TBCE: variants seen among roughly 807,000 people sequenced by gnomAD.
TBCE encodes the protein tubulin-specific chaperone E.
Under a neutral mutation model 77.0 loss-of-function variants are expected in TBCE, and 53 were observed. That is an observed-to-expected ratio of 0.69 (90% CI 0.55 to 0.87). The LOEUF is 0.87. TBCE is among the 40% of genes least tolerant of loss of function. The pLI, the probability that TBCE is intolerant of heterozygous loss-of-function variation, is 0.00. For synonymous variants in TBCE, 235 were observed against 241.3 expected, an observed-to-expected ratio of 0.97 and a Z score of 0.24; for missense variants, 624 against 622.4, an observed-to-expected ratio of 1.00 and a Z score of -0.03.
At chr1:235,415,182 A>C (rs1235176177) in intron 4 of TBCE, 1 of 156,340 alleles carries the variant, frequency 6.4e-6, no homozygotes. Context: ...TTATACAGAC[A>C]GGATCTTGCT....
chr1:235,370,397 C>G (rs963015092), intron 1 of TBCE, among the ~76,000 whole-genome samples: 9 of 151,556 alleles, frequency 5.9e-5, no homozygotes, highest in Non-Finnish European at 1.2e-4. Flanking sequence ...TGATTACAGG[C>G]GCATGCCACC....
chr1:235,448,519 A>G, intron 16 of TBCE, 79 bp downstream of exon 16: 1 of 1,463,814 alleles, frequency 6.8e-7, no homozygotes, highest in Non-Finnish European at 9.6e-7. Flanking sequence ...CTAGATAGCA[A>G]CAGTTTGATT....
rs1241323977 is a variant in TBCE at position 235,374,920 on chromosome 1, CTTTTTTTTTTTTT to C, written c.-31-5093_-31-5081del. On this transcript the variant is annotated intron_variant, in intron 1 of 16. Coordinates refer to ENST00000642610, the MANE Select transcript of TBCE (RefSeq NM_003193.5). ...TAGAGATGTAGATTTCTTTTTTTTT[CTTTTTTTTTTTTT>C]TTTTTGAGATGGAGTCTCACTCTGT... is the stretch of plus-strand genomic sequence containing the variant. Among the ~76,000 whole-genome samples, 4 of 111,988 alleles carry C rather than the reference CTTTTTTTTTTTTT, an allele frequency of 3.6e-5. 1 individual carries two copies. The highest frequency in any genetic ancestry group is 1.5e-4 in the African/African-American group (4 of 25,994). The allele number at this position is 111,988 out of a possible 152,430, so 73.5% of individuals were successfully genotyped here.
At chr1:235,441,990 C>A in intron 14 of TBCE, 108 bp downstream of exon 14, 1 of 957,782 alleles carries the variant, frequency 1.0e-6, no homozygotes, top group Non-Finnish European at 1.6e-6. Flanking sequence ...AAGTAAATGC[C>A]TTGAGTTTTA....
At chr1:235,386,775 G>A (rs1194305978) in intron 2 of TBCE, among the ~76,000 whole-genome samples, 2 of 152,010 alleles carry the variant, frequency 1.3e-5, no homozygotes, top group Admixed American at 6.6e-5. Flanking sequence ...TAGTTTGATC[G>A]TCTGAAGCCT....
chr1:235,405,055 C>T (rs1177625159), intron 3 of TBCE, among the ~76,000 whole-genome samples: 1 of 151,618 alleles, frequency 6.6e-6, no homozygotes, highest in Admixed American at 6.6e-5. Context: ...CTCTGCCTCC[C>T]AGGTTCAAGT....
chr1:235,418,026 C>T (rs973020197), intron 4 of TBCE, among the ~76,000 whole-genome samples: 1 of 152,190 alleles, frequency 6.6e-6, no homozygotes, highest in African/African-American at 2.4e-5. Flanking sequence ...AGGTGATCCG[C>T]CCACCTTGGC....
At chr1:235,393,260 C>T (rs911970731) in intron 2 of TBCE, among the ~76,000 whole-genome samples, 21 of 152,312 alleles carry the variant, frequency 1.4e-4, no homozygotes, top group Admixed American at 5.2e-4. Flanking sequence ...ATTTAATGGT[C>T]GGGCGTGGTG....
At chr1:235,387,818 C>T (rs147928231) in intron 2 of TBCE, among the ~76,000 whole-genome samples, 1,857 of 152,170 alleles carry the variant, frequency 0.012, 47 homozygotes, top group African/African-American at 0.042. Context: ...TCTTGGATCT[C>T]GTGCAAGAAA....
At position 235,450,260 on chromosome 1, in the gene TBCE, T is replaced by C; in HGVS notation, c.*1498T>C. 2 of 1,614,144 alleles carry C rather than the reference T, an allele frequency of 1.2e-6. No homozygotes were observed. The highest frequency in any genetic ancestry group is 1.7e-6 in the Non-Finnish European group (2 of 1,179,948). Reference sequence around the variant, plus strand: ...CGCACCGTTCCTTCAGTTTCCACAGTTCCGTCAGTTCCCACGGAGAATACT... The same window carrying C: ...CGCACCGTTCCTTCAGTTTCCACAGCTCCGTCAGTTCCCACGGAGAATACT... On this transcript the variant is annotated 3_prime_UTR_variant, in exon 17 of 17. Coordinates refer to ENST00000642610, the MANE Select transcript of TBCE (RefSeq NM_003193.5).
intron 7 of TBCE, among the ~76,000 whole-genome samples, chr1:235,431,567 G>T (rs1037557366): frequency 6.6e-6 from 1 of 151,982 alleles, no homozygotes; most frequent in Non-Finnish European, 1.5e-5. Flanking sequence ...CTCCATGTTG[G>T]TCAGGCTGGT....
At chr1:235,406,752 G>A (rs1300676615) in intron 3 of TBCE, among the ~76,000 whole-genome samples, 5 of 151,020 alleles carry the variant, frequency 3.3e-5, no homozygotes, top group Admixed American at 6.6e-5. Flanking sequence ...GACTGGTCTC[G>A]AACTCCTGAA....
intron 2 of TBCE, among the ~76,000 whole-genome samples, chr1:235,386,765 T>G (rs1572338277): frequency 6.6e-6 from 1 of 152,122 alleles, no homozygotes; most frequent in African/African-American, 2.4e-5. Context: ...TAGCTCGGAG[T>G]AGTTTGATCG....
chr1:235,434,148 C>A, intron 7 of TBCE, 56 bp from the exon 8 acceptor site: 1 of 1,517,278 alleles, frequency 6.6e-7, no homozygotes, highest in Non-Finnish European at 9.2e-7. Context: ...CTATGAACAC[C>A]CGGGAAGAAA....
At chr1:235,435,175 A>G (rs1055217649) in intron 8 of TBCE, among the ~76,000 whole-genome samples, 1 of 151,680 alleles carries the variant, frequency 6.6e-6, no homozygotes, top group African/African-American at 2.4e-5. Context: ...ATCTCGGCTC[A>G]CTGCAACCTC....
At chr1:235,413,077 A>AAAG (rs1679905786) in intron 3 of TBCE, among the ~76,000 whole-genome samples, 1 of 152,216 alleles carries the variant, frequency 6.6e-6, no homozygotes, top group African/African-American at 2.4e-5. Context: ...TGCTGGGATT[A>AAAG]TAGGCATGAG....
At chr1:235,396,080 G>C (rs1572355031) in intron 2 of TBCE, among the ~76,000 whole-genome samples, 1 of 150,902 alleles carries the variant, frequency 6.6e-6, no homozygotes, top group South Asian at 2.1e-4. Flanking sequence ...TTTCTTTTGA[G>C]ACAGAGTCTC....
intron 15 of TBCE, 25 bp downstream of exon 15, chr1:235,442,936 C>A (rs1681994640): frequency 6.2e-7 from 1 of 1,613,236 alleles, no homozygotes. Context: ...CCTGTCTTTT[C>A]CTTAAACTCT....
At position 235,408,124 on chromosome 1, in the gene TBCE, C is replaced by G. The variant is rs1249747190; in HGVS notation, c.186-6309C>G. 2.6e-5 allele frequency among the ~76,000 whole-genome samples: 4 copies of G among 152,142 alleles called. No homozygotes were observed. The East Asian group carries it at 7.7e-4, about 29-fold the overall frequency. ...AGCCTGTGTCTGTGGTAATGGACAT[C>G]TTAGGAAATGGATGGTTGACAATTT... On this transcript the variant is annotated intron_variant, in intron 3 of 16. Coordinates refer to ENST00000642610, the MANE Select transcript of TBCE (RefSeq NM_003193.5).
Sources: gnomAD v4.1 joint callset for allele counts (sites outside exome capture counted in the v4.1 genomes callset) on GRCh38, gnomAD v4.1.1 for gene constraint, MANE v1.5 for transcripts, NCBI Gene and HGNC (gene_info 2026-07-23, HGNC 2026-07-21) for gene names.